TMEM255B: variants seen among roughly 807,000 people sequenced by gnomAD.
The protein encoded by TMEM255B is transmembrane protein 255B, also known as family with sequence similarity 70, member B.
TMEM255B carries 35 observed loss-of-function variants against 34.5 expected under a neutral mutation model. That is an observed-to-expected ratio of 1.01 (90% CI 0.77 to 1.34). The LOEUF is 1.34. Among genes scored for constraint, TMEM255B ranks in the 40% most tolerant of loss-of-function variants. The pLI, the probability that TMEM255B is intolerant of heterozygous loss-of-function variation, is 0.00. For missense variants in TMEM255B, 432 were observed against 433.2 expected (o/e 1.00, Z 0.02); for synonymous variants, 206 against 201.2 (o/e 1.02, Z -0.20).
At chr13:113,798,050 C>CA (rs1269143275) in intron 4 of TMEM255B, among the ~76,000 whole-genome samples, 3 of 152,168 alleles carry the variant, frequency 2.0e-5, no homozygotes, top group Admixed American at 1.3e-4. Flanking sequence ...GATAGGGCCA[C>CA]AAATGGGTGT....
At chr13:113,764,677 C>T (rs927233461) in intron 1 of TMEM255B, among the ~76,000 whole-genome samples, 8 of 152,228 alleles carry the variant, frequency 5.3e-5, no homozygotes, top group Non-Finnish European at 1.2e-4. Context: ...CTGGTGTCCC[C>T]TCTGCCTCTC....
chr13:113,773,136 A>G (rs1471739569), intron 3 of TMEM255B, among the ~76,000 whole-genome samples: 1 of 152,198 alleles, frequency 6.6e-6, no homozygotes, highest in African/African-American at 2.4e-5. Flanking sequence ...TTCAGTATTT[A>G]TCAAATGAAG....
At chr13:113,778,946 A>G (rs974749277) in intron 3 of TMEM255B, among the ~76,000 whole-genome samples, 12 of 152,236 alleles carry the variant, frequency 7.9e-5, no homozygotes, top group Non-Finnish European at 1.6e-4. Flanking sequence ...AAACAGGTTT[A>G]TGTTGGAGAA....
chr13:113,766,386 C>T (rs771583057), intron 2 of TMEM255B, 129 bp downstream of exon 2: 25 of 1,374,154 alleles, frequency 1.8e-5, no homozygotes, highest in South Asian at 2.4e-5. Context: ...TGCTTGTGGT[C>T]GGCAGGGTTA....
intron 3 of TMEM255B, among the ~76,000 whole-genome samples, chr13:113,779,456 G>A (rs571015398): frequency 1.1e-4 from 16 of 152,056 alleles, no homozygotes; most frequent in South Asian, 4.2e-4. Flanking sequence ...ATTTGTTCCC[G>A]GAAGCACTCT....
chr13:113,773,483 A>T (rs1012565569), intron 3 of TMEM255B, among the ~76,000 whole-genome samples: 6 of 152,248 alleles, frequency 3.9e-5, no homozygotes, highest in African/African-American at 1.4e-4. Flanking sequence ...AAGACCCAAG[A>T]GTGACGGCCA....
At chr13:113,786,565 C>T (rs899433117) in intron 3 of TMEM255B, among the ~76,000 whole-genome samples, 10 of 152,088 alleles carry the variant, frequency 6.6e-5, no homozygotes, top group African/African-American at 1.2e-4. Flanking sequence ...ACATCATCAC[C>T]GTCATCACCA....
At chr13:113,794,129 G>A (rs913911266) in intron 3 of TMEM255B, among the ~76,000 whole-genome samples, 1 of 152,202 alleles carries the variant, frequency 6.6e-6, no homozygotes, top group African/African-American at 2.4e-5. Flanking sequence ...GCAGTTCCAC[G>A]TGAGGGTCAC....
At chr13:113,801,002 G>T in intron 6 of TMEM255B, 90 bp downstream of exon 6, 1 of 1,275,618 alleles carries the variant, frequency 7.8e-7, no homozygotes. Flanking sequence ...GAGGTGAGGG[G>T]CGCTGGGGAC....
At chr13:113,786,012 C>T (rs1399066196) in intron 3 of TMEM255B, among the ~76,000 whole-genome samples, 4 of 152,192 alleles carry the variant, frequency 2.6e-5, no homozygotes, top group African/African-American at 4.8e-5. Context: ...CACGAACATT[C>T]ACACAACGTG....
chr13:113,782,080 G>C (rs1349329023), intron 3 of TMEM255B, among the ~76,000 whole-genome samples: 1 of 152,128 alleles, frequency 6.6e-6, no homozygotes, highest in Non-Finnish European at 1.5e-5. Context: ...CCTAATATTT[G>C]ACCTGCATAA....
intron 1 of TMEM255B, 83 bp downstream of exon 1, chr13:113,759,398 G>A: frequency 8.4e-7 from 1 of 1,189,648 alleles, no homozygotes; most frequent in African/African-American, 1.6e-5. Context: ...TCCCCGGCCG[G>A]CCCGGGCGGA....
intron 7 of TMEM255B, 111 bp downstream of exon 7, chr13:113,801,923 G>A (rs552199657): frequency 2.4e-6 from 3 of 1,239,562 alleles, no homozygotes; most frequent in Admixed American, 5.6e-5. Context: ...ATGGGGCACT[G>A]AAGCCCATGC....
chr13:113,779,887 T>C (rs1248944720), intron 3 of TMEM255B, among the ~76,000 whole-genome samples: 1 of 152,248 alleles, frequency 6.6e-6, no homozygotes, highest in Non-Finnish European at 1.5e-5. Flanking sequence ...ATTTTCTCTC[T>C]CCAGTTTTCC....
chr13:113,766,003 G>T, intron 1 of TMEM255B, 112 bp from the exon 2 acceptor site: 1 of 1,431,598 alleles, frequency 7.0e-7, no homozygotes, highest in Non-Finnish European at 9.5e-7. Flanking sequence ...AGGCAGGCGG[G>T]GATAGTGCAT....
At position 113,814,878 on chromosome 13, in the gene TMEM255B, G is replaced by C. The variant is rs1320175950; in HGVS notation, c.*2975G>C. The C allele has an allele frequency of 3.3e-5, 4 of 120,734 alleles. No individual in the cohort carries two copies. Among genetic ancestry groups the C allele is most frequent in the Non-Finnish European group, 5.3e-5 (3 of 56,620 alleles). The allele number at this position is 120,734 out of a possible 1,614,324, so 7.5% of individuals were successfully genotyped here. On this transcript the variant is annotated 3_prime_UTR_variant, in exon 9 of 9. Coordinates refer to ENST00000375353, the MANE Select transcript of TMEM255B (RefSeq NM_182614.4). ...TGGGGCAGGGGGTGCTGGGGGGTTT[G>C]GGGGTGCTGTGGCCCCGGGGCAGGG...
rs938947968 is a variant in TMEM255B at position 113,811,743 on chromosome 13, G to C, written c.821G>C (p.Ser274Thr). The C allele has an allele frequency of 4.3e-6, 7 of 1,613,550 alleles. No homozygotes were observed. The African/African-American group carries it at 9.4e-5, about 22-fold the overall frequency. Reference protein sequence around the residue: ...SSYPLPLQPCSRFPVAPSSAL... With the variant: ...SSYPLPLQPCTRFPVAPSSAL... ...CCTCTCTGTTTATTGCAGCCCTGCA[G>C]CCGCTTCCCAGTTGCGCCCTCCTCT... is the stretch of plus-strand genomic sequence containing the variant. Residue 274 changes from serine to threonine, a missense_variant, in exon 9 of 9, where the codon AGC (serine) becomes ACC (threonine). Physicochemically the swap from Ser to Thr is moderately conservative, Grantham distance 58. Coordinates refer to ENST00000375353, the MANE Select transcript of TMEM255B (RefSeq NM_182614.4).
At chr13:113,778,318 G>A (rs749276766) in intron 3 of TMEM255B, among the ~76,000 whole-genome samples, 4 of 152,240 alleles carry the variant, frequency 2.6e-5, no homozygotes, top group East Asian at 1.9e-4. Flanking sequence ...CTGGGTCTGC[G>A]ACAAGCAATG....
chr13:113,810,945 CCTAA>C (rs2051285717), intron 8 of TMEM255B, among the ~76,000 whole-genome samples: 1 of 152,100 alleles, frequency 6.6e-6, no homozygotes, highest in Non-Finnish European at 1.5e-5. Flanking sequence ...CCTGGTGGAC[CCTAA>C]CTGTTGGTTT....
Sources: gnomAD v4.1 joint callset for allele counts (sites outside exome capture counted in the v4.1 genomes callset) on GRCh38, gnomAD v4.1.1 for gene constraint, MANE v1.5 for transcripts, NCBI Gene and HGNC (gene_info 2026-07-23, HGNC 2026-07-21) for gene names.